The following TMEM170A variants were observed in gnomAD, a reference collection of about 807,000 sequenced individuals.
TMEM170A encodes the protein transmembrane protein 170.
Under a neutral mutation model 12.8 loss-of-function variants are expected in TMEM170A, and 18 were observed. The ratio of observed to expected loss-of-function variants is 1.41; its 90% CI spans 0.97 to 2.09. TMEM170A has a LOEUF of 2.09. Among genes scored for constraint, TMEM170A ranks in the 30% most tolerant of loss-of-function variants. The pLI is 0.00. For synonymous variants in TMEM170A, 107 were observed against 76.2 expected, an observed-to-expected ratio of 1.40 and a Z score of -2.11; for missense variants, 220 against 179.9, an observed-to-expected ratio of 1.22 and a Z score of -1.28.
intron 1 of TMEM170A, among the ~76,000 whole-genome samples, chr16:75,460,241 C>G (rs908303237): frequency 6.6e-6 from 1 of 151,604 alleles, no homozygotes; most frequent in African/African-American, 2.4e-5. Flanking sequence ...CGTTTCTTCT[C>G]AGGATGATGC....
Position 75,447,636 on chromosome 16 carries a change from A to G in TMEM170A, c.357T>C (p.Phe119=), listed in dbSNP as rs767796175. 7 of 1,612,628 alleles carry G rather than the reference A, an allele frequency of 4.3e-6. No homozygotes were observed. Among genetic ancestry groups the G allele is most frequent in the Non-Finnish European group, 5.9e-6 (7 of 1,179,358 alleles). The change falls in exon 3 of 3, where the codon TTT becomes TTC. Residue 119 remains phenylalanine, a synonymous_variant. Transcript: ENST00000561878. ...GTCCAGTGCCCAGTGTGAGGGCTTC[A>G]AATGGTATCATTTCCTTCCCTGCTG... ...YRAAGKEMIP[F]EALTLGTGQT...
Position 75,447,637 on chromosome 16 carries a change from A to C in TMEM170A, c.356T>G (p.Phe119Cys). The change falls in exon 3 of 3, where the codon TTT (phenylalanine) becomes TGT (cysteine). Residue 119 changes from phenylalanine to cysteine, a missense_variant. Physicochemically the swap from Phe to Cys is radical, Grantham distance 205. Coordinates refer to ENST00000561878, the MANE Select transcript of TMEM170A (RefSeq NM_145254.3). ...YRAAGKEMIP[F>C]EALTLGTGQT... ...TCCAGTGCCCAGTGTGAGGGCTTCA[A>C]ATGGTATCATTTCCTTCCCTGCTGC... 1 of 1,612,586 alleles carries C rather than the reference A, an allele frequency of 6.2e-7. No individual in the cohort carries two copies. Among genetic ancestry groups the C allele is most frequent in the Non-Finnish European group, 8.5e-7 (1 of 1,179,348 alleles).
intron 2 of TMEM170A, 64 bp from the exon 3 acceptor site, chr16:75,447,752 T>C (rs1430715781): frequency 6.6e-7 from 1 of 1,513,962 alleles, no homozygotes; most frequent in East Asian, 2.3e-5. Flanking sequence ...CTCACGAAAA[T>C]ACAACATTTA....
At chr16:75,456,141 C>T (rs1211867041) in intron 1 of TMEM170A, among the ~76,000 whole-genome samples, 1 of 152,156 alleles carries the variant, frequency 6.6e-6, no homozygotes, top group Non-Finnish European at 1.5e-5. Context: ...TCACAGATGA[C>T]TGCTCAAATT....
At position 75,446,225 on chromosome 16, in the gene TMEM170A, T is replaced by G. The variant is rs1467400425; in HGVS notation, c.*1333A>C. ...GTCAGATTTAATCACCAGAAACTAT[T>G]TTGCAGATAACCACCACCACTACCA... On this transcript the variant is annotated 3_prime_UTR_variant, in exon 3 of 3. Transcript: ENST00000561878. 6.6e-6 allele frequency: 1 copy of G among 151,976 alleles called. No homozygotes were observed. The allele number at this position is 151,976 out of a possible 1,614,324, so 9.4% of individuals were successfully genotyped here.
At chr16:75,456,105 A>G (rs555029370) in intron 1 of TMEM170A, among the ~76,000 whole-genome samples, 7 of 152,294 alleles carry the variant, frequency 4.6e-5, no homozygotes, top group South Asian at 2.1e-4. Flanking sequence ...GTGGAGCCAA[A>G]TCCCCTTAAC....
At chr16:75,455,538 A>T (rs247449) in intron 1 of TMEM170A, among the ~76,000 whole-genome samples, 139,339 of 152,104 alleles carry the variant, frequency 0.92, 63,935 homozygotes, top group East Asian at 1. Flanking sequence ...TTAATAAATA[A>T]TTATTAGATA....
At chr16:75,454,296 C>T (rs541180013) in intron 1 of TMEM170A, among the ~76,000 whole-genome samples, 2 of 152,302 alleles carry the variant, frequency 1.3e-5, no homozygotes, top group African/African-American at 2.4e-5. Flanking sequence ...TTAAAAACCA[C>T]GGGCTTTACC....
intron 1 of TMEM170A, among the ~76,000 whole-genome samples, chr16:75,457,122 C>G (rs1295394963): frequency 6.6e-6 from 1 of 152,074 alleles, no homozygotes; most frequent in Non-Finnish European, 1.5e-5. Context: ...TGAGATCAGC[C>G]CTGGGTCCCT....
At chr16:75,452,833 C>T (rs576903765) in intron 1 of TMEM170A, 1 of 152,244 alleles carries the variant, frequency 6.6e-6, no homozygotes, top group Admixed American at 6.5e-5. Flanking sequence ...GCCTACAGAC[C>T]CACCACCTGT....
At chr16:75,447,799 C>A (rs1318510275) in intron 2 of TMEM170A, 111 bp from the exon 3 acceptor site, 22 of 1,233,602 alleles carry the variant, frequency 1.8e-5, no homozygotes, top group Middle Eastern at 2.1e-4. Context: ...AGATTTTATA[C>A]TGAAATTTAA....
intron 2 of TMEM170A, among the ~76,000 whole-genome samples, chr16:75,450,624 T>C (rs1850481449): frequency 6.6e-6 from 1 of 151,820 alleles, no homozygotes; most frequent in Non-Finnish European, 1.5e-5. Flanking sequence ...GGGAAAAAAA[T>C]AACTAGAGCA....
chr16:75,448,465 T>C (rs948472100), intron 2 of TMEM170A, among the ~76,000 whole-genome samples: 1 of 152,162 alleles, frequency 6.6e-6, no homozygotes, highest in East Asian at 1.9e-4. Context: ...TTCATTCGTT[T>C]GAAAAGAATA....
chr16:75,457,653 C>T (rs1183643522), intron 1 of TMEM170A, among the ~76,000 whole-genome samples: 1 of 152,190 alleles, frequency 6.6e-6, no homozygotes, highest in Admixed American at 6.5e-5. Context: ...ATCCCCACTT[C>T]CCTAGGAGCA....
rs1458100853 is a variant in TMEM170A, at chr16:75,458,097, C to T, written c.134-6258G>A. ...GATTGTCATACAGTACTTTTCATTTCGCTGGCTCAAAACTCTCTCAAATCT... is the reference window on the plus strand; with the variant it reads ...GATTGTCATACAGTACTTTTCATTTTGCTGGCTCAAAACTCTCTCAAATCT... On this transcript the variant is annotated intron_variant, in intron 1 of 2. Transcript: ENST00000561878. Among the ~76,000 whole-genome samples, 8 of 152,284 alleles carry T rather than the reference C, an allele frequency of 5.3e-5. No individual in the cohort carries two copies. In the South Asian group the frequency reaches 1.2e-3, roughly 24 times the overall value.
intron 1 of TMEM170A, among the ~76,000 whole-genome samples, chr16:75,462,029 T>G (rs1437501574): frequency 6.6e-6 from 1 of 152,148 alleles, no homozygotes; most frequent in Non-Finnish European, 1.5e-5. Flanking sequence ...TGACCCTACA[T>G]ATGACGTTTA....
chr16:75,464,253 C>G (rs1407953962), intron 1 of TMEM170A: 4 of 1,500,396 alleles, frequency 2.7e-6, no homozygotes, highest in Non-Finnish European at 3.5e-6. Context: ...CTCTGCATCT[C>G]ACGCCCAGCG....
chr16:75,462,246 G>C (rs568555900), intron 1 of TMEM170A, among the ~76,000 whole-genome samples: 2 of 152,186 alleles, frequency 1.3e-5, no homozygotes, highest in Non-Finnish European at 2.9e-5. Context: ...TTGAGACAAA[G>C]CCTCGCTCTG....
intron 1 of TMEM170A, chr16:75,458,182 G>C (rs548484943): frequency 6.6e-6 from 1 of 152,010 alleles, no homozygotes; most frequent in African/African-American, 2.4e-5. Context: ...ATATTACTTC[G>C]GCTTTGTTTA....
Sources: allele counts gnomAD v4.1 joint callset (sites outside exome capture counted in the v4.1 genomes callset), GRCh38; gene constraint gnomAD v4.1.1; transcripts MANE v1.5; gene names NCBI Gene and HGNC (gene_info 2026-07-23, HGNC 2026-07-21).